RTN4RL1: variants seen among roughly 807,000 people sequenced by gnomAD.
The protein encoded by RTN4RL1 is reticulon-4 receptor-like 1.
RTN4RL1 carries 7 observed loss-of-function variants against 25.6 expected under a neutral mutation model. The observed-to-expected ratio is 0.27, with a 90% confidence interval of 0.16 to 0.51. The LOEUF (loss-of-function observed/expected upper bound fraction) is 0.51. Ranked by LOEUF, RTN4RL1 falls within the 20% of genes least tolerant of loss-of-function variation. The pLI is 0.97. For synonymous variants in RTN4RL1, 297 were observed against 288.2 expected (o/e 1.03, Z -0.31); for missense variants, 500 against 615.6 (o/e 0.81, Z 1.99).
intron 1 of RTN4RL1, chr17:2,001,461 T>C (rs1271389055): frequency 6.6e-6 from 1 of 151,660 alleles, no homozygotes; most frequent in African/African-American, 2.4e-5. Flanking sequence ...TTAGCCAGGA[T>C]GGTCTCGATT....
chr17:1,959,036 G>C (rs908512398), intron 1 of RTN4RL1, among the ~76,000 whole-genome samples: 1 of 152,212 alleles, frequency 6.6e-6, no homozygotes, highest in Admixed American at 6.5e-5. Context: ...CTCAAAACAC[G>C]CCGGTGGGCG....
intron 1 of RTN4RL1, among the ~76,000 whole-genome samples, chr17:1,972,331 A>T (rs959478602): frequency 2.9e-4 from 6 of 20,452 alleles, no homozygotes; most frequent in African/African-American, 9.1e-4. Flanking sequence ...AATAAATAAA[A>T]ATTTAAAAAA....
intron 1 of RTN4RL1, among the ~76,000 whole-genome samples, chr17:2,009,010 G>A (rs531710298): frequency 6.6e-6 from 1 of 152,294 alleles, no homozygotes; most frequent in South Asian, 2.1e-4. Flanking sequence ...CACAGTGAGA[G>A]TTCATTCAGG....
At chr17:2,019,374 G>C (rs866989968) in intron 1 of RTN4RL1, 1 of 152,250 alleles carries the variant, frequency 6.6e-6, no homozygotes, top group African/African-American at 2.4e-5. Flanking sequence ...GATGGTACCA[G>C]GCAGTTCTGC....
intron 1 of RTN4RL1, among the ~76,000 whole-genome samples, chr17:1,981,183 C>T (rs1258441233): frequency 1.3e-5 from 2 of 151,758 alleles, no homozygotes; most frequent in Non-Finnish European, 2.9e-5. Flanking sequence ...CAGTTCAAGA[C>T]CAGCCTGGAC....
rs1255105932 is a variant in RTN4RL1 at position 1,935,685 on chromosome 17, G to A, written c.*811C>T. On this transcript the variant is annotated 3_prime_UTR_variant, in exon 2 of 2. Transcript: ENST00000331238. ...TGAAAAGACGTACAGTTAGGTAACGGAGTGGGAGGGGGACTGTGCATTTGT... is the reference window on the plus strand; with the variant it reads ...TGAAAAGACGTACAGTTAGGTAACGAAGTGGGAGGGGGACTGTGCATTTGT... 4 of 931,186 alleles carry A rather than the reference G, an allele frequency of 4.3e-6. No individual in the cohort carries two copies. The highest frequency in any genetic ancestry group is 5.1e-6 in the Non-Finnish European group (4 of 785,750). 57.7% of individuals were successfully genotyped at this position (931,186 alleles called of 1,614,324 possible).
At chr17:1,941,773 C>T (rs1915443244) in intron 1 of RTN4RL1, among the ~76,000 whole-genome samples, 1 of 152,156 alleles carries the variant, frequency 6.6e-6, no homozygotes, top group Non-Finnish European at 1.5e-5. Context: ...GTCCCATCTC[C>T]AAGACCTGGA....
chr17:2,019,131 G>GC (rs1407957062), intron 1 of RTN4RL1: 1 of 152,106 alleles, frequency 6.6e-6, no homozygotes, highest in Non-Finnish European at 1.5e-5. Flanking sequence ...CTTGGGGGGG[G>GC]CCCTCACGCT....
In RTN4RL1 at chr17:1,936,369, A is replaced by G. The variant is rs907558752; in HGVS notation, c.*127T>C. The stretch of plus-strand genomic sequence containing the variant: ...CATGGCAGGGTCCAGACGTCCAGAC[A>G]GCAGCCGAAGGCTCTACCAGCCTTT... On this transcript the variant is annotated 3_prime_UTR_variant, in exon 2 of 2. Transcript: ENST00000331238. 1.4e-6 allele frequency: 2 copies of G among 1,442,654 alleles called. No homozygotes were observed. Among genetic ancestry groups the G allele is most frequent in the Admixed American group, 2.7e-5 (1 of 36,726 alleles). The allele number at this position is 1,442,654 out of a possible 1,614,324, so 89.4% of individuals were successfully genotyped here. A position where few individuals can be genotyped will look rare whatever the true frequency, so the allele number is the denominator to read the frequency against.
intron 1 of RTN4RL1, among the ~76,000 whole-genome samples, chr17:2,005,019 T>C (rs1433752964): frequency 6.6e-6 from 1 of 152,242 alleles, no homozygotes; most frequent in African/African-American, 2.4e-5. Context: ...TATTTGTTTA[T>C]TTTTGAGGCA....
At chr17:1,965,044 C>T (rs1271897938) in intron 1 of RTN4RL1, among the ~76,000 whole-genome samples, 2 of 151,220 alleles carry the variant, frequency 1.3e-5, no homozygotes, top group Non-Finnish European at 1.5e-5. Flanking sequence ...GCCTCAGCCT[C>T]CCAAAGTGGT....
intron 1 of RTN4RL1, among the ~76,000 whole-genome samples, chr17:1,958,467 C>T (rs1248020254): frequency 6.6e-6 from 1 of 152,206 alleles, no homozygotes; most frequent in African/African-American, 2.4e-5. Flanking sequence ...GTGCTTCACA[C>T]TCATGAGGCC....
chr17:1,997,302 TTGTC>T (rs1220180044), intron 1 of RTN4RL1, among the ~76,000 whole-genome samples: 1 of 152,206 alleles, frequency 6.6e-6, no homozygotes, highest in Non-Finnish European at 1.5e-5. Context: ...CCTACAGACT[TTGTC>T]TGGGATGCTT....
intron 1 of RTN4RL1, among the ~76,000 whole-genome samples, chr17:1,939,276 C>G (rs895259751): frequency 6.6e-6 from 1 of 151,896 alleles, no homozygotes; most frequent in Non-Finnish European, 1.5e-5. Flanking sequence ...TAGCGTGAAC[C>G]CGGGAGGTGG....
At chr17:2,023,088 A>G (rs2067229781) in intron 1 of RTN4RL1, among the ~76,000 whole-genome samples, 1 of 152,196 alleles carries the variant, frequency 6.6e-6, no homozygotes, top group African/African-American at 2.4e-5. Context: ...CTGCCAAAAG[A>G]CAAAAGACCA....
chr17:1,966,860 A>C (rs1597499759), intron 1 of RTN4RL1, among the ~76,000 whole-genome samples: 1 of 151,330 alleles, frequency 6.6e-6, no homozygotes. Context: ...TCCCAGCTTC[A>C]CCCCCTCCCT....
chr17:1,938,467 A>G (rs909707589), intron 1 of RTN4RL1, among the ~76,000 whole-genome samples: 12 of 151,628 alleles, frequency 7.9e-5, no homozygotes, highest in Non-Finnish European at 2.9e-5. Context: ...ACGCCCAGGT[A>G]GTTTTTGTAT....
intron 1 of RTN4RL1, among the ~76,000 whole-genome samples, chr17:1,950,809 G>T (rs1003628976): frequency 8.7e-6 from 1 of 114,688 alleles, no homozygotes; most frequent in Non-Finnish European, 1.6e-5. Context: ...TCACACCCCC[G>T]CACTCCAACC....
intron 1 of RTN4RL1, among the ~76,000 whole-genome samples, chr17:2,008,626 C>T (rs1016021285): frequency 6.6e-6 from 1 of 152,116 alleles, no homozygotes; most frequent in Non-Finnish European, 1.5e-5. Context: ...AGTCAACCAA[C>T]CTCCTCCTCC....
Sources: allele counts gnomAD v4.1 joint callset (sites outside exome capture counted in the v4.1 genomes callset), GRCh38; gene constraint gnomAD v4.1.1; transcripts MANE v1.5; gene names NCBI Gene and HGNC (gene_info 2026-07-23, HGNC 2026-07-21).